Variants in ALK observed in about 807,000 individuals in gnomAD.
ALK encodes the protein ALK receptor tyrosine kinase.
In ALK, 74 loss-of-function variants were observed where a neutral mutation model predicts 163.1. The observed-to-expected ratio is 0.45, with a 90% CI of 0.38 to 0.55. The LOEUF (loss-of-function observed/expected upper bound fraction) is 0.55, where lower values mean the gene tolerates loss of function less well. Ranked by LOEUF, ALK falls within the 20% of genes least tolerant of loss-of-function variation. The pLI, the probability that ALK is intolerant of heterozygous loss-of-function variation, is 0.00. For synonymous variants in ALK, 960 were observed against 843.2 expected (o/e 1.14, Z -2.40); for missense variants, 2,063 against 2,105.3 (o/e 0.98, Z 0.39).
At chr2:29,577,872 G>C (rs182717737) in intron 3 of ALK, among the ~76,000 whole-genome samples, 93 of 152,346 alleles carry the variant, frequency 6.1e-4, no homozygotes, top group African/African-American at 2.2e-3. Flanking sequence ...CTTTTTGCAG[G>C]ATATGGTCTT....
chr2:29,555,476 A>G lies in ALK; in HGVS notation c.953-23360T>C, dbSNP rs1194376191. Among the ~76,000 whole-genome samples the G allele has an allele frequency of 2.0e-5, 3 of 152,144 alleles. No individual in the cohort carries two copies. In the East Asian group the frequency reaches 5.8e-4, roughly 29 times the overall value. ...ATTTAAATCTAGTTCTGACTGTTTA[A>G]TTGGGAACAGTCAATCTGTGAGTAT... On this transcript the variant is annotated intron_variant, in intron 3 of 28. Transcript: ENST00000389048.
At chr2:29,261,388 T>TAA (rs371606898) in intron 11 of ALK, among the ~76,000 whole-genome samples, 2 of 146,226 alleles carry the variant, frequency 1.4e-5, no homozygotes, top group Non-Finnish European at 3.0e-5. Context: ...TTGGAAAGAT[T>TAA]AAAAAAAAAA....
intron 11 of ALK, among the ~76,000 whole-genome samples, chr2:29,265,363 G>T (rs576071615): frequency 6.6e-6 from 1 of 152,262 alleles, no homozygotes; most frequent in African/African-American, 2.4e-5. Flanking sequence ...CTCCTTAGCA[G>T]CGTGGCCACT....
intron 5 of ALK, among the ~76,000 whole-genome samples, chr2:29,370,064 A>G (rs1167345789): frequency 2.0e-5 from 3 of 152,220 alleles, no homozygotes; most frequent in Non-Finnish European, 4.4e-5. Flanking sequence ...GTGCACTAAC[A>G]AGAAAGAAAG....
intron 5 of ALK, among the ~76,000 whole-genome samples, chr2:29,340,052 T>C (rs1667744190): frequency 6.6e-6 from 1 of 152,228 alleles, no homozygotes; most frequent in African/African-American, 2.4e-5. Context: ...CTATTCAACA[T>C]TTATCTTCAT....
At chr2:29,465,100 C>T (rs998297798) in intron 4 of ALK, among the ~76,000 whole-genome samples, 1 of 151,926 alleles carries the variant, frequency 6.6e-6, no homozygotes, top group African/African-American at 2.4e-5. Flanking sequence ...TCTGAAGAAA[C>T]GTAAAGAAAA....
chr2:29,719,480 C>T (rs1424960441), intron 1 of ALK, among the ~76,000 whole-genome samples: 1 of 152,122 alleles, frequency 6.6e-6, no homozygotes, highest in Non-Finnish European at 1.5e-5. Context: ...TGCAAAGCCA[C>T]GTAGGGTTAC....
At chr2:29,853,165 C>T (rs1200118801) in intron 1 of ALK, among the ~76,000 whole-genome samples, 1 of 151,398 alleles carries the variant, frequency 6.6e-6, no homozygotes, top group Non-Finnish European at 1.5e-5. Context: ...TTGATTTAGG[C>T]TTTAAACATC....
intron 1 of ALK, among the ~76,000 whole-genome samples, chr2:29,892,654 CAT>C (rs1667174270): frequency 6.6e-6 from 1 of 152,178 alleles, no homozygotes; most frequent in African/African-American, 2.4e-5. Context: ...GGATTGGTCA[CAT>C]GATTCGTAAG....
chr2:29,307,619 T>C (rs1666560292), intron 8 of ALK, among the ~76,000 whole-genome samples: 1 of 152,218 alleles, frequency 6.6e-6, no homozygotes, highest in South Asian at 2.1e-4. Flanking sequence ...TGGTATCTTC[T>C]TAACTTCAGC....
chr2:29,378,718 C>T (rs1199444365), intron 5 of ALK, among the ~76,000 whole-genome samples: 3 of 151,762 alleles, frequency 2.0e-5, no homozygotes, highest in African/African-American at 7.3e-5. Flanking sequence ...CCTCCCCTCC[C>T]TCCCTCTCTT....
Position 29,254,303 on chromosome 2 carries a change from C to A in ALK, c.2042-3036G>T, listed in dbSNP as rs545491986. 4.3e-3 allele frequency among the ~76,000 whole-genome samples: 657 copies of A among 151,722 alleles called. 7 individuals are homozygous for A. Among genetic ancestry groups the A allele is most frequent in the African/African-American group, 0.014 (585 of 41,382 alleles). On this transcript the variant is annotated intron_variant, in intron 11 of 28. Transcript: ENST00000389048. ...ATATGAATACATATTCTCTCTCTCTCTCTATATATATATATGAATACATAT... is the reference window on the plus strand; with the variant it reads ...ATATGAATACATATTCTCTCTCTCTATCTATATATATATATGAATACATAT...
chr2:29,455,292 T>G (rs1468361639), intron 4 of ALK, among the ~76,000 whole-genome samples: 1 of 152,168 alleles, frequency 6.6e-6, no homozygotes, highest in African/African-American at 2.4e-5. Context: ...GTGGAATCAA[T>G]GAAGGCATTT....
chr2:29,387,923 A>G (rs1171566454), intron 4 of ALK, among the ~76,000 whole-genome samples: 1 of 152,206 alleles, frequency 6.6e-6, no homozygotes, highest in African/African-American at 2.4e-5. Flanking sequence ...GGATCAGTCT[A>G]TACAGTCAAT....
chr2:29,804,850 C>A (rs1253110225), intron 1 of ALK, among the ~76,000 whole-genome samples: 1 of 152,164 alleles, frequency 6.6e-6, no homozygotes, highest in East Asian at 1.9e-4. Flanking sequence ...TCCTGCATAA[C>A]AGCACTGTAT....
chr2:29,266,333 G>T (rs752213187), intron 11 of ALK, among the ~76,000 whole-genome samples: 35 of 152,172 alleles, frequency 2.3e-4, no homozygotes, highest in Non-Finnish European at 4.4e-4. Flanking sequence ...ATATTTATGT[G>T]TATACATAAG....
At chr2:29,418,357 GT>G (rs1209678786) in intron 4 of ALK, among the ~76,000 whole-genome samples, 1 of 152,140 alleles carries the variant, frequency 6.6e-6, no homozygotes, top group Non-Finnish European at 1.5e-5. Flanking sequence ...CTACTCTCTT[GT>G]TTTTACAATT....
intron 3 of ALK, among the ~76,000 whole-genome samples, chr2:29,674,989 T>C (rs1677830048): frequency 6.6e-6 from 1 of 150,480 alleles, no homozygotes. Context: ...TCTCTGATGG[T>C]AGTTTGTATT....
At chr2:29,478,510 TCCTTCTTTCCATGACTCCC>T (rs1671582400) in intron 4 of ALK, among the ~76,000 whole-genome samples, 3 of 152,338 alleles carry the variant, frequency 2.0e-5, no homozygotes, top group South Asian at 4.1e-4. Context: ...CCACGACTCC[TCCTTCTTTCCATGACTCCC>T]TTACCCTGTA....
Sources: allele counts gnomAD v4.1 joint callset (sites outside exome capture counted in the v4.1 genomes callset), GRCh38; gene constraint gnomAD v4.1.1; transcripts MANE v1.5; gene names NCBI Gene and HGNC (gene_info 2026-07-23, HGNC 2026-07-21).